Variants in SOX6 observed in about 807,000 individuals in gnomAD.
SOX6 encodes SRY-box transcription factor 6, also known as transcription factor SOX-6.
In SOX6, 11 loss-of-function variants were observed where a neutral mutation model predicts 97.8. The ratio of observed to expected loss-of-function variants is 0.11; its 90% CI spans 0.07 to 0.19. SOX6 has a LOEUF of 0.19. Among genes scored for constraint, SOX6 ranks in the 10% least tolerant of loss-of-function variants. The pLI, the probability that SOX6 is intolerant of heterozygous loss-of-function variation, is 1.00. For missense variants in SOX6, 810 were observed against 1,039.5 expected (o/e 0.78, Z 3.04); for synonymous variants, 360 against 371.4 (o/e 0.97, Z 0.35).
intron 13 of SOX6, among the ~76,000 whole-genome samples, chr11:16,001,759 T>G (rs1183034712): frequency 6.6e-6 from 1 of 152,164 alleles, no homozygotes; most frequent in African/African-American, 2.4e-5. Flanking sequence ...GGACTAAAAT[T>G]ATAGCTGGGA....
At chr11:16,316,031 G>A (rs1855750358) in intron 3 of SOX6, 2 of 151,834 alleles carry the variant, frequency 1.3e-5, no homozygotes, top group African/African-American at 4.8e-5. Flanking sequence ...GATGCTGACT[G>A]AAATAGCACT....
intron 1 of SOX6, among the ~76,000 whole-genome samples, chr11:16,461,955 A>G (rs565852246): frequency 1.3e-5 from 2 of 152,332 alleles, no homozygotes; most frequent in South Asian, 4.1e-4. Context: ...GGGACTTTGT[A>G]TAATACATTT....
chr11:16,526,015 A>G (rs1482818849), intron 4 of SOX6, among the ~76,000 whole-genome samples: 1 of 152,164 alleles, frequency 6.6e-6, no homozygotes, highest in Admixed American at 6.5e-5. Flanking sequence ...GAGAAATAGG[A>G]ACACTTTTAC....
At chr11:16,508,032 A>G (rs1860818450) in intron 4 of SOX6, among the ~76,000 whole-genome samples, 1 of 152,148 alleles carries the variant, frequency 6.6e-6, no homozygotes, top group South Asian at 2.1e-4. Flanking sequence ...AAACAACTCA[A>G]CTATTAAAAA....
chr11:16,073,720 A>C (rs575197968), intron 9 of SOX6, among the ~76,000 whole-genome samples: 1 of 152,306 alleles, frequency 6.6e-6, no homozygotes, highest in South Asian at 2.1e-4. Flanking sequence ...TTAAAAAAAT[A>C]ACAAAATCAT....
At chr11:16,016,241 C>T (rs1854878685) in intron 12 of SOX6, among the ~76,000 whole-genome samples, 1 of 152,164 alleles carries the variant, frequency 6.6e-6, no homozygotes, top group Admixed American at 6.6e-5. Flanking sequence ...TTTTGAATAT[C>T]ATTATATTTC....
intron 9 of SOX6, among the ~76,000 whole-genome samples, chr11:16,059,867 T>C (rs1847903769): frequency 6.6e-6 from 1 of 151,884 alleles, no homozygotes. Context: ...TCTGAAAATG[T>C]CTGCTTGGAT....
In SOX6 at chr11:16,105,558, A is replaced by G. The variant is rs531025785; in HGVS notation, c.898+6245T>C. ...ATTCTAGCCTGGACAACAGAGCTAG[A>G]CCCTGTTTGTTAAACAAACAAACAA... On this transcript the variant is annotated intron_variant, in intron 7 of 15. Coordinates refer to ENST00000683767, the MANE Select transcript of SOX6 (RefSeq NM_001367873.1). Among the ~76,000 whole-genome samples the G allele has an allele frequency of 1.2e-4, 18 of 152,068 alleles. No homozygotes were observed. In the South Asian group the frequency reaches 3.7e-3, roughly 32 times the overall value.
intron 4 of SOX6, among the ~76,000 whole-genome samples, chr11:16,592,217 C>T (rs901917278): frequency 3.3e-5 from 5 of 151,072 alleles, no homozygotes; most frequent in South Asian, 2.1e-4. Context: ...GAAGTTCTCC[C>T]GAACAAACCT....
intron 12 of SOX6, among the ~76,000 whole-genome samples, chr11:16,026,737 C>CA (rs1295691653): frequency 1.3e-5 from 2 of 151,952 alleles, no homozygotes; most frequent in Non-Finnish European, 2.9e-5. Flanking sequence ...AAATAAAAAA[C>CA]AAAAATAACC....
intron 4 of SOX6, among the ~76,000 whole-genome samples, chr11:16,523,069 C>A (rs1861096995): frequency 6.6e-6 from 1 of 152,142 alleles, no homozygotes; most frequent in African/African-American, 2.4e-5. Context: ...TTAGACAGAT[C>A]AACAACACAA....
At chr11:15,978,210 T>C (rs1051149478) in intron 15 of SOX6, among the ~76,000 whole-genome samples, 1 of 152,082 alleles carries the variant, frequency 6.6e-6, no homozygotes, top group Non-Finnish European at 1.5e-5. Flanking sequence ...AGCTCTTGCT[T>C]CATTTCTTTG....
chr11:16,234,724 A>G (rs989465706), intron 3 of SOX6, 53 bp from the exon 4 acceptor site: 11 of 1,106,446 alleles, frequency 9.9e-6, no homozygotes, highest in Admixed American at 2.3e-5. Context: ...ACAAATTTAG[A>G]AAGTCAGTTT....
intron 1 of SOX6, among the ~76,000 whole-genome samples, chr11:16,431,277 C>T (rs890452670): frequency 7.2e-5 from 11 of 152,198 alleles, no homozygotes; most frequent in Non-Finnish European, 1.5e-4. Flanking sequence ...TTTTTAATAT[C>T]TCTCCTACCA....
chr11:16,027,520 T>C (rs1465476914), intron 12 of SOX6, among the ~76,000 whole-genome samples: 1 of 152,218 alleles, frequency 6.6e-6, no homozygotes, highest in Non-Finnish European at 1.5e-5. Flanking sequence ...TTAGTCGTAC[T>C]ATAGAGAGAC....
At chr11:16,115,085 A>G (rs1209361108) in intron 6 of SOX6, among the ~76,000 whole-genome samples, 2 of 152,212 alleles carry the variant, frequency 1.3e-5, no homozygotes, top group African/African-American at 4.8e-5. Context: ...TAGAAACTTC[A>G]AATACTAAAT....
intron 4 of SOX6, among the ~76,000 whole-genome samples, chr11:16,568,903 T>C (rs991065176): frequency 6.6e-6 from 1 of 152,212 alleles, no homozygotes; most frequent in South Asian, 2.1e-4. Context: ...CATCCCGCAA[T>C]TGTGATTTTA....
chr11:16,497,472 A>C (rs1241680032), intron 4 of SOX6, among the ~76,000 whole-genome samples: 1 of 152,116 alleles, frequency 6.6e-6, no homozygotes, highest in Non-Finnish European at 1.5e-5. Flanking sequence ...ACAGAGAATG[A>C]CTTTGATAAG....
At chr11:16,517,123 CA>C (rs1300552843) in intron 4 of SOX6, among the ~76,000 whole-genome samples, 3 of 151,632 alleles carry the variant, frequency 2.0e-5, no homozygotes, top group African/African-American at 7.3e-5. Flanking sequence ...TGACAAAATT[CA>C]ACAACCCTTC....
Sources: allele counts gnomAD v4.1 joint callset (sites outside exome capture counted in the v4.1 genomes callset), GRCh38; gene constraint gnomAD v4.1.1; transcripts MANE v1.5; gene names NCBI Gene and HGNC (gene_info 2026-07-23, HGNC 2026-07-21).